MBD5: variants seen among roughly 807,000 people sequenced by gnomAD.
MBD5 encodes the protein methyl-CpG binding domain protein 5.
A neutral mutation model predicts 117.3 loss-of-function variants in MBD5; 13 were observed. The ratio of observed to expected loss-of-function variants is 0.11; its 90% CI spans 0.07 to 0.18. The LOEUF (loss-of-function observed/expected upper bound fraction) is 0.18, where lower values mean the gene tolerates loss of function less well. Among genes scored for constraint, MBD5 ranks in the 10% least tolerant of loss-of-function variants. The pLI, the probability that MBD5 is intolerant of heterozygous loss-of-function variation, is 1.00. For missense variants in MBD5, 1,879 were observed against 2,093.8 expected, an observed-to-expected ratio of 0.90 and a Z score of 2.00; for synonymous variants, 727 against 766.4, an observed-to-expected ratio of 0.95 and a Z score of 0.85.
intron 3 of MBD5, among the ~76,000 whole-genome samples, chr2:148,338,424 C>T (rs1702851382): frequency 6.6e-6 from 1 of 151,954 alleles, no homozygotes; most frequent in Non-Finnish European, 1.5e-5. Flanking sequence ...TTATTGGCCA[C>T]CTATGAAATG....
At position 148,021,390 on chromosome 2, in the gene MBD5, C is replaced by G. The variant is rs1207745843; in HGVS notation, c.-1219C>G. 6.0e-6 allele frequency: 3 copies of G among 497,382 alleles called. No homozygotes were observed. The highest frequency in any genetic ancestry group is 5.9e-5 in the African/African-American group (3 of 51,266). The allele number at this position is 497,382 out of a possible 1,614,324, so 30.8% of individuals were successfully genotyped here. A position where few individuals can be genotyped will look rare whatever the true frequency, so the allele number is the denominator to read the frequency against. On this transcript the variant is annotated 5_prime_UTR_variant, in exon 1 of 14. Coordinates refer to ENST00000642680, the MANE Select transcript of MBD5 (RefSeq NM_001378120.1). ...CTCGCCTCCCTCCCTCCACCCTCCT[C>G]CTCTTTGGCCGTGAGAGGAGGAGAG...
chr2:148,134,214 A>AGATG lies in MBD5; in HGVS notation c.-924-44483_-924-44482insGGAT, dbSNP rs1697119379. Among the ~76,000 whole-genome samples the AGATG allele has an allele frequency of 4.8e-5, 5 of 105,148 alleles. No homozygotes were observed. The South Asian group carries it at 1.7e-3, about 36-fold the overall frequency. The allele number at this position is 105,148 out of a possible 152,430, so 69.0% of individuals were successfully genotyped here. On this transcript the variant is annotated intron_variant, in intron 1 of 13. Transcript: ENST00000642680. The stretch of plus-strand genomic sequence containing the variant: ...GATAGATGATTGATAGATAGATGAC[A>AGATG]GATAGATAGATAGATAGATAGATCG...
At chr2:148,118,380 T>G (rs1181636661) in intron 1 of MBD5, among the ~76,000 whole-genome samples, 1 of 151,676 alleles carries the variant, frequency 6.6e-6, no homozygotes, top group Non-Finnish European at 1.5e-5. Flanking sequence ...GAGGCTGAGA[T>G]TGGAGGATGG....
At chr2:148,109,094 G>A (rs919311604) in intron 1 of MBD5, among the ~76,000 whole-genome samples, 12 of 152,172 alleles carry the variant, frequency 7.9e-5, no homozygotes, top group African/African-American at 2.7e-4. Context: ...CCTATGCAAA[G>A]CAGTTTGGCA....
intron 4 of MBD5, among the ~76,000 whole-genome samples, chr2:148,425,510 G>A (rs994283253): frequency 6.6e-6 from 1 of 151,692 alleles, no homozygotes; most frequent in Admixed American, 6.6e-5. Flanking sequence ...AATAGAAAAA[G>A]AGGGAATCCT....
intron 8 of MBD5, among the ~76,000 whole-genome samples, chr2:148,482,393 A>C (rs895544934): frequency 6.6e-6 from 1 of 152,136 alleles, no homozygotes; most frequent in African/African-American, 2.4e-5. Flanking sequence ...ATATAAGCTA[A>C]CATGGAATGA....
At chr2:148,199,167 A>G (rs534114715) in intron 2 of MBD5, among the ~76,000 whole-genome samples, 17 of 152,306 alleles carry the variant, frequency 1.1e-4, no homozygotes, top group Admixed American at 9.8e-4. Flanking sequence ...TTCTTCAAGT[A>G]TATCTCAGCT....
chr2:148,371,852 A>G (rs575675127), intron 4 of MBD5, among the ~76,000 whole-genome samples: 2 of 152,276 alleles, frequency 1.3e-5, no homozygotes, highest in East Asian at 3.9e-4. Context: ...TTCCTATAAA[A>G]ACATCAACAT....
At chr2:148,103,087 T>C (rs16828243) in intron 1 of MBD5, among the ~76,000 whole-genome samples, 3,943 of 152,186 alleles carry the variant, frequency 0.026, 100 homozygotes, top group African/African-American at 0.066. Flanking sequence ...GAAATCAGAC[T>C]GTTGTCTTAG....
At chr2:148,278,269 C>T (rs1477072310) in intron 3 of MBD5, among the ~76,000 whole-genome samples, 1 of 151,924 alleles carries the variant, frequency 6.6e-6, no homozygotes, top group East Asian at 1.9e-4. Flanking sequence ...CTTATTTGGG[C>T]TTATTTTTGA....
intron 1 of MBD5, among the ~76,000 whole-genome samples, chr2:148,120,113 C>T (rs935013918): frequency 6.6e-6 from 1 of 152,048 alleles, no homozygotes; most frequent in African/African-American, 2.4e-5. Context: ...GGAGTTTTGC[C>T]GTATTGCTCA....
chr2:148,389,184 G>A (rs1221652913), intron 4 of MBD5, among the ~76,000 whole-genome samples: 5 of 66,686 alleles, frequency 7.5e-5, no homozygotes, highest in Admixed American at 1.6e-4. Flanking sequence ...ATAGTATTCC[G>A]TGGTGTGTGT....
chr2:148,329,308 A>C (rs1444569345), intron 3 of MBD5, among the ~76,000 whole-genome samples: 1 of 152,244 alleles, frequency 6.6e-6, no homozygotes, highest in Non-Finnish European at 1.5e-5. Context: ...TCCTATAGAC[A>C]TAAATAGATA....
chr2:148,048,747 A>G (rs1694611289), intron 1 of MBD5, among the ~76,000 whole-genome samples: 1 of 152,196 alleles, frequency 6.6e-6, no homozygotes, highest in Admixed American at 6.5e-5. Context: ...TAGAAAACAG[A>G]GGACTGAATG....
intron 3 of MBD5, among the ~76,000 whole-genome samples, chr2:148,313,354 A>G (rs1331940632): frequency 6.6e-6 from 1 of 152,114 alleles, no homozygotes; most frequent in Non-Finnish European, 1.5e-5. Context: ...CTGTTCTCAG[A>G]GAGGAGGAAT....
At chr2:148,475,598 T>C (rs999406534) in intron 8 of MBD5, among the ~76,000 whole-genome samples, 2 of 152,160 alleles carry the variant, frequency 1.3e-5, no homozygotes, top group African/African-American at 2.4e-5. Context: ...ATTGTCCCAG[T>C]GTGCAAATTG....
At chr2:148,370,247 T>C (rs567266223) in intron 4 of MBD5, among the ~76,000 whole-genome samples, 2 of 152,316 alleles carry the variant, frequency 1.3e-5, no homozygotes, top group East Asian at 3.9e-4. Context: ...TTAAATATTT[T>C]GCCTGCATCA....
intron 4 of MBD5, among the ~76,000 whole-genome samples, chr2:148,450,784 T>C (rs150076451): frequency 6.6e-6 from 1 of 152,166 alleles, no homozygotes; most frequent in African/African-American, 2.4e-5. Context: ...AACTGCAATT[T>C]TGTGGCAGCC....
chr2:148,031,712 G>C (rs1221720521), intron 1 of MBD5, among the ~76,000 whole-genome samples: 1 of 152,116 alleles, frequency 6.6e-6, no homozygotes, highest in Non-Finnish European at 1.5e-5. Flanking sequence ...ATTATGACTA[G>C]AGAGTCCATT....
Sources: gnomAD v4.1 joint callset for allele counts (sites outside exome capture counted in the v4.1 genomes callset) on GRCh38, gnomAD v4.1.1 for gene constraint, MANE v1.5 for transcripts, NCBI Gene and HGNC (gene_info 2026-07-23, HGNC 2026-07-21) for gene names.